Variants in RBFOX1 observed in about 807,000 individuals in gnomAD.
The protein encoded by RBFOX1 is RNA binding protein fox-1 homolog 1.
Under a neutral mutation model 57.7 loss-of-function variants are expected in RBFOX1, and 8 were observed. That is an observed-to-expected ratio of 0.14 (90% CI 0.08 to 0.25). The LOEUF is 0.25. RBFOX1 is among the 10% of genes least tolerant of loss of function. The pLI is 1.00. For missense variants in RBFOX1, 611 were observed against 548.5 expected (o/e 1.11, Z -1.14); for synonymous variants, 326 against 222.4 (o/e 1.47, Z -4.15).
At chr16:6,193,268 C>A (rs2097153345) in intron 1 of RBFOX1, among the ~76,000 whole-genome samples, 1 of 150,324 alleles carries the variant, frequency 6.7e-6, no homozygotes, top group East Asian at 1.9e-4. Context: ...GAGAGACATG[C>A]ATGGGGCTGG....
intron 4 of RBFOX1, among the ~76,000 whole-genome samples, chr16:7,218,130 G>A (rs1603301698): frequency 6.6e-6 from 1 of 152,042 alleles, no homozygotes; most frequent in African/African-American, 2.4e-5. Context: ...CAGAAGTCAG[G>A]CTGAATCATC....
At chr16:6,282,000 A>T (rs2076426163) in intron 1 of RBFOX1, among the ~76,000 whole-genome samples, 1 of 152,166 alleles carries the variant, frequency 6.6e-6, no homozygotes, top group Non-Finnish European at 1.5e-5. Context: ...ATTGGGCAAA[A>T]TAAAAATGTA....
chr16:5,259,674 T>C (rs2151096031), intron 1 of RBFOX1, among the ~76,000 whole-genome samples: 1 of 152,260 alleles, frequency 6.6e-6, no homozygotes, highest in South Asian at 2.1e-4. Flanking sequence ...CCTTCAGTTG[T>C]GTTTGTCATG....
At chr16:6,016,938 C>T (rs2094997400), upstream of RBFOX1, among the ~76,000 whole-genome samples, 1 of 152,098 alleles carries the variant, frequency 6.6e-6, no homozygotes, top group South Asian at 2.1e-4. Context: ...TAATGGATGC[C>T]TCTCACACTC....
intron 2 of RBFOX1, among the ~76,000 whole-genome samples, chr16:6,635,507 G>A (rs2098424188): frequency 6.6e-6 from 1 of 152,044 alleles, no homozygotes; most frequent in African/African-American, 2.4e-5. Context: ...GGCGAACAGA[G>A]GGAAAGTGAT....
intron 2 of RBFOX1, among the ~76,000 whole-genome samples, chr16:5,515,910 G>C (rs1243595009): frequency 6.6e-6 from 1 of 152,182 alleles, no homozygotes; most frequent in Non-Finnish European, 1.5e-5. Context: ...CAATGAGGTA[G>C]TCTATTCATA....
At chr16:7,126,086 C>G (rs1461264280) in intron 4 of RBFOX1, among the ~76,000 whole-genome samples, 5 of 152,032 alleles carry the variant, frequency 3.3e-5, no homozygotes, top group Admixed American at 2.0e-4. Flanking sequence ...CCATCTCCCC[C>G]CACCAAAAGA....
intron 4 of RBFOX1, among the ~76,000 whole-genome samples, chr16:7,419,422 G>C (rs998771118): frequency 5.9e-5 from 9 of 152,230 alleles, no homozygotes; most frequent in African/African-American, 2.2e-4. Flanking sequence ...AGAGGGGCCA[G>C]CATCCCACTC....
intron 1 of RBFOX1, among the ~76,000 whole-genome samples, chr16:5,328,578 T>C (rs1596534662): frequency 1.3e-5 from 2 of 152,172 alleles, no homozygotes; most frequent in Non-Finnish European, 1.5e-5. Flanking sequence ...TCTGGGTCAT[T>C]TGAGTCAATG....
intron 2 of RBFOX1, among the ~76,000 whole-genome samples, chr16:6,481,335 A>G (rs2095368272): frequency 6.6e-6 from 1 of 152,242 alleles, no homozygotes; most frequent in Non-Finnish European, 1.5e-5. Context: ...CCCCTTGCAC[A>G]TGAGAATAGC....
chr16:6,149,565 A>G (rs1231897528), intron 1 of RBFOX1, among the ~76,000 whole-genome samples: 3 of 152,192 alleles, frequency 2.0e-5, no homozygotes, highest in Admixed American at 6.5e-5. Flanking sequence ...TAATGTGAGT[A>G]AGGTGCCTGT....
intron 1 of RBFOX1, among the ~76,000 whole-genome samples, chr16:6,231,623 G>C (rs1461650556): frequency 1.3e-5 from 2 of 152,208 alleles, no homozygotes; most frequent in Non-Finnish European, 2.9e-5. Context: ...TGGTTGATGA[G>C]AGCTATGTGG....
intron 2 of RBFOX1, among the ~76,000 whole-genome samples, chr16:6,343,745 G>A (rs774382750): frequency 3.9e-5 from 6 of 152,282 alleles, no homozygotes; most frequent in South Asian, 2.1e-4. Context: ...AGCAGGACTC[G>A]TCTTGAGATT....
chr16:5,450,142 G>A (rs1597113225), intron 1 of RBFOX1, among the ~76,000 whole-genome samples: 2 of 152,168 alleles, frequency 1.3e-5, no homozygotes, highest in Non-Finnish European at 2.9e-5. Flanking sequence ...GAGGTGGCAT[G>A]CCCAAAGTCT....
chr16:6,483,976 T>G, intron 2 of RBFOX1: 3 of 1,015,254 alleles, frequency 3.0e-6, no homozygotes, highest in Non-Finnish European at 3.6e-6. Flanking sequence ...TCGCCCTGGG[T>G]GCCCCGTGGT....
At chr16:7,602,304 G>A (rs182795381) in intron 9 of RBFOX1, among the ~76,000 whole-genome samples, 4 of 152,254 alleles carry the variant, frequency 2.6e-5, no homozygotes, top group Admixed American at 2.0e-4. Context: ...CCACGGAGGG[G>A]TCTAAACTGC....
At chr16:5,451,248 G>A (rs2068417811) in intron 1 of RBFOX1, among the ~76,000 whole-genome samples, 1 of 152,116 alleles carries the variant, frequency 6.6e-6, no homozygotes, top group African/African-American at 2.4e-5. Flanking sequence ...ACTTCACTCT[G>A]AAGAACAAAG....
intron 4 of RBFOX1, among the ~76,000 whole-genome samples, chr16:7,446,937 C>T (rs1221839678): frequency 1.3e-5 from 2 of 149,270 alleles, no homozygotes; most frequent in Non-Finnish European, 3.0e-5. Flanking sequence ...CTCAGCCTCC[C>T]AAGTAGCTGG....
At chr16:5,501,318 C>CAAAAAAAAAA (rs1160788118) in intron 2 of RBFOX1, among the ~76,000 whole-genome samples, 46 of 64,832 alleles carry the variant, frequency 7.1e-4, no homozygotes, top group African/African-American at 1.2e-3. Context: ...ACTCTGTCTA[C>CAAAAAAAAAA]AAAAAAAAAA....
Sources: allele counts gnomAD v4.1 joint callset (sites outside exome capture counted in the v4.1 genomes callset), GRCh38; gene constraint gnomAD v4.1.1; transcripts MANE v1.5; gene names NCBI Gene and HGNC (gene_info 2026-07-23, HGNC 2026-07-21).